PUM1: variants seen among roughly 807,000 people sequenced by gnomAD.
PUM1 encodes the protein pumilio RNA binding family member 1.
In PUM1, 13 loss-of-function variants were observed where a neutral mutation model predicts 131.8. That is an observed-to-expected ratio of 0.10 (90% CI 0.06 to 0.16). PUM1 has a LOEUF of 0.16. Among genes scored for constraint, PUM1 ranks in the 10% least tolerant of loss-of-function variants. PUM1 has a pLI of 1.00. For missense variants in PUM1, 961 were observed against 1,512.4 expected (o/e 0.64, Z 6.05); for synonymous variants, 509 against 556.5 (o/e 0.91, Z 1.20).
chr1:30,942,012 C>G lies in PUM1; in HGVS notation c.3106G>C (p.Glu1036Gln), dbSNP rs763109981. The change falls in exon 19 of 22, where the codon GAG becomes CAG. Residue 1036 changes from glutamate to glutamine, a missense_variant. Physicochemically the swap from Glu to Gln is conservative, Grantham distance 29. This residue lies in a region of PUM1 where 178 missense variants were observed against 327.5 expected (regional missense o/e 0.54). Coordinates refer to ENST00000426105, the MANE Select transcript of PUM1 (RefSeq NM_001020658.2). ...PILEELHQHT[E>Q]QLVQDQYGNY... Reference sequence around the variant, plus strand: ...AACTCCACTACCTGTACAAGCTGCTCTGTGTGCTGGTGAAGCTCCTCTAAA... The same window carrying G: ...AACTCCACTACCTGTACAAGCTGCTGTGTGTGCTGGTGAAGCTCCTCTAAA... The G allele has an allele frequency of 1.9e-6, 3 of 1,580,004 alleles. No individual in the cohort carries two copies. The highest frequency in any genetic ancestry group is 2.2e-5 in the South Asian group (2 of 90,632).
In PUM1 at chr1:31,053,972, T is replaced by C. The variant is rs377648895; in HGVS notation, c.363+5232A>G. Reference sequence around the variant, plus strand: ...AGCCGGGCGTGGTGGTGCACACTTGTAGTCCCAGCTACTGGGGAGACTGAG... The same window carrying C: ...AGCCGGGCGTGGTGGTGCACACTTGCAGTCCCAGCTACTGGGGAGACTGAG... On this transcript the variant is annotated intron_variant, in intron 2 of 21. Coordinates refer to ENST00000426105, the MANE Select transcript of PUM1 (RefSeq NM_001020658.2). Among the ~76,000 whole-genome samples, 113 of 151,776 alleles carry C rather than the reference T, an allele frequency of 7.4e-4. 3 individuals carry two copies. The South Asian group carries it at 0.017, about 23-fold the overall frequency.
chr1:30,976,222 A>G (rs1271181727), intron 9 of PUM1, among the ~76,000 whole-genome samples: 1 of 152,250 alleles, frequency 6.6e-6, no homozygotes, highest in Admixed American at 6.5e-5. Context: ...GCAGATATCA[A>G]CCCAAGTGTG....
chr1:31,039,007 CT>C (rs1643731914), intron 2 of PUM1, among the ~76,000 whole-genome samples: 3 of 35,880 alleles, frequency 8.4e-5, no homozygotes, highest in African/African-American at 2.9e-4. Context: ...TTTTCCTTTT[CT>C]CTTTTTGAGA....
chr1:30,972,454 A>G (rs190011447), intron 10 of PUM1, among the ~76,000 whole-genome samples: 3 of 15,242 alleles, frequency 2.0e-4, no homozygotes, highest in Non-Finnish European at 3.2e-4. Flanking sequence ...GAGGGAAGAG[A>G]AGAGAAGAGA....
intron 3 of PUM1, among the ~76,000 whole-genome samples, chr1:31,016,359 G>A (rs1642815810): frequency 6.6e-6 from 1 of 152,106 alleles, no homozygotes; most frequent in African/African-American, 2.4e-5. Context: ...AATGTTGAGT[G>A]TTCCATCACA....
intron 17 of PUM1, among the ~76,000 whole-genome samples, chr1:30,946,019 A>C (rs1000192182): frequency 3.9e-4 from 60 of 152,026 alleles, no homozygotes; most frequent in Non-Finnish European, 1.6e-4. Flanking sequence ...TCCTGACCTC[A>C]GGAGATCTGC....
At chr1:31,008,808 G>A (rs1303287106) in intron 3 of PUM1, among the ~76,000 whole-genome samples, 3 of 152,056 alleles carry the variant, frequency 2.0e-5, no homozygotes, top group African/African-American at 7.3e-5. Flanking sequence ...GAAAATTAAT[G>A]TAAACTATGC....
At chr1:31,032,181 G>T (rs1054400981) in intron 2 of PUM1, among the ~76,000 whole-genome samples, 2 of 152,156 alleles carry the variant, frequency 1.3e-5, no homozygotes, top group Admixed American at 1.3e-4. Flanking sequence ...AACTATTTGG[G>T]AACTTATTTA....
At chr1:31,009,782 A>AAAAAACAAAAACAAAAC (rs1553150216) in intron 3 of PUM1, among the ~76,000 whole-genome samples, 7 of 125,368 alleles carry the variant, frequency 5.6e-5, no homozygotes, top group African/African-American at 2.3e-4. Context: ...AAAAAAAAAA[A>AAAAAACAAAAACAAAAC]AAAAACAAAA....
At chr1:31,049,555 G>A (rs901968309) in intron 2 of PUM1, among the ~76,000 whole-genome samples, 3 of 150,320 alleles carry the variant, frequency 2.0e-5, no homozygotes, top group Admixed American at 6.7e-5. Context: ...TAGTGGACAC[G>A]TATAATCCCA....
At chr1:31,029,967 G>A (rs1190682327) in intron 2 of PUM1, among the ~76,000 whole-genome samples, 2 of 149,366 alleles carry the variant, frequency 1.3e-5, no homozygotes, top group Non-Finnish European at 3.0e-5. Flanking sequence ...TGTAACCCCA[G>A]CACTTTGGGA....
At chr1:31,027,905 C>T (rs1480768596) in intron 3 of PUM1, among the ~76,000 whole-genome samples, 2 of 152,146 alleles carry the variant, frequency 1.3e-5, no homozygotes, top group South Asian at 2.1e-4. Flanking sequence ...ATATTAAAAT[C>T]GATGTAGGAG....
At chr1:30,973,461 A>G (rs1641011269) in intron 10 of PUM1, among the ~76,000 whole-genome samples, 1 of 152,192 alleles carries the variant, frequency 6.6e-6, no homozygotes, top group African/African-American at 2.4e-5. Context: ...TCCAAGGATA[A>G]ACTTATGTAA....
chr1:31,053,443 G>A (rs1244671598), intron 2 of PUM1, among the ~76,000 whole-genome samples: 1 of 149,770 alleles, frequency 6.7e-6, no homozygotes, highest in East Asian at 2.0e-4. Context: ...GGGCGCAGTG[G>A]CTCACGCCTG....
chr1:30,951,628 C>G (rs1247178273), intron 16 of PUM1, among the ~76,000 whole-genome samples: 4 of 151,872 alleles, frequency 2.6e-5, no homozygotes, highest in African/African-American at 9.7e-5. Flanking sequence ...AAAAAAGTCC[C>G]TGCCTCTCTG....
At chr1:30,995,350 T>A in intron 5 of PUM1, 130 bp from the exon 6 acceptor site, 3 of 977,036 alleles carry the variant, frequency 3.1e-6, no homozygotes, top group East Asian at 4.8e-5. Context: ...CACATTACAA[T>A]CTAATTAACA....
At chr1:30,950,039 A>C in intron 17 of PUM1, 88 bp downstream of exon 17, 1 of 1,444,334 alleles carries the variant, frequency 6.9e-7, no homozygotes, top group Non-Finnish European at 9.3e-7. Flanking sequence ...CATAAAAGAA[A>C]ACTGAAAATT....
intron 7 of PUM1, among the ~76,000 whole-genome samples, chr1:30,987,655 A>G (rs1641617589): frequency 6.6e-6 from 1 of 152,230 alleles, no homozygotes; most frequent in Non-Finnish European, 1.5e-5. Context: ...AAGACAATGA[A>G]GTGAATTTGA....
chr1:31,012,378 C>T (rs1032628088), intron 3 of PUM1, among the ~76,000 whole-genome samples: 1 of 151,760 alleles, frequency 6.6e-6, no homozygotes, highest in African/African-American at 2.4e-5. Context: ...CCTATCATCC[C>T]CAGCAATAAA....
Sources: gnomAD v4.1 joint callset for allele counts (sites outside exome capture counted in the v4.1 genomes callset) on GRCh38, gnomAD v4.1.1 for gene constraint, gnomAD v4.1.1 regional missense constraint, MANE v1.5 for transcripts, NCBI Gene and HGNC (gene_info 2026-07-23, HGNC 2026-07-21) for gene names.